The following PTPRQ variants were observed in gnomAD, a reference collection of about 807,000 sequenced individuals.
PTPRQ encodes phosphatidylinositol phosphatase PTPRQ.
PTPRQ carries 199 observed loss-of-function variants against 246.0 expected under a neutral mutation model. The ratio of observed to expected loss-of-function variants is 0.81; its 90% CI spans 0.72 to 0.91. The LOEUF (loss-of-function observed/expected upper bound fraction) is 0.91. PTPRQ is among the 40% of genes least tolerant of loss of function. The pLI, the probability that PTPRQ is intolerant of heterozygous loss-of-function variation, is 0.00. For synonymous variants in PTPRQ, 869 were observed against 853.2 expected (o/e 1.02, Z -0.32); for missense variants, 2,624 against 2,528.4 (o/e 1.04, Z -0.81).
chr12:80,480,733 A>G (rs1894014452), intron 8 of PTPRQ, among the ~76,000 whole-genome samples: 1 of 152,216 alleles, frequency 6.6e-6, no homozygotes, highest in Non-Finnish European at 1.5e-5. Flanking sequence ...CCATCAGAGA[A>G]TACTACAAAC....
chr12:80,578,629 G>T (rs535146167), intron 25 of PTPRQ, among the ~76,000 whole-genome samples: 6 of 152,120 alleles, frequency 3.9e-5, no homozygotes, highest in Non-Finnish European at 7.4e-5. Flanking sequence ...TCGTGACCTC[G>T]TGATCCGCCC....
At chr12:80,544,220 C>T (rs1896238795) in intron 23 of PTPRQ, among the ~76,000 whole-genome samples, 1 of 152,058 alleles carries the variant, frequency 6.6e-6, no homozygotes, top group South Asian at 2.1e-4. Flanking sequence ...AAGATGTGTA[C>T]ATTCGAAATT....
intron 25 of PTPRQ, among the ~76,000 whole-genome samples, chr12:80,556,483 T>G (rs1896649033): frequency 6.6e-6 from 1 of 152,226 alleles, no homozygotes; most frequent in Non-Finnish European, 1.5e-5. Flanking sequence ...AAGGATGATA[T>G]GGCACATATT....
intron 7 of PTPRQ, among the ~76,000 whole-genome samples, chr12:80,469,841 T>G (rs74108665): frequency 0.043 from 6,559 of 152,316 alleles, 478 homozygotes; most frequent in African/African-American, 0.15. Context: ...CTCTTTCATT[T>G]GTAAGGCTGG....
At chr12:80,669,185 T>C in intron 40 of PTPRQ, 44 bp downstream of exon 40, 6 of 1,537,714 alleles carry the variant, frequency 3.9e-6, no homozygotes, top group Non-Finnish European at 5.3e-6. Flanking sequence ...TTTACGATTG[T>C]GTTAACATAT....
chr12:80,588,016 T>G, intron 25 of PTPRQ, 113 bp from the exon 26 acceptor site: 2 of 1,091,478 alleles, frequency 1.8e-6, no homozygotes, highest in Non-Finnish European at 2.5e-6. Context: ...CTAAGAGCTA[T>G]AGTAATTTGA....
chr12:80,655,560 C>T (rs961582877), intron 38 of PTPRQ, among the ~76,000 whole-genome samples: 3 of 151,588 alleles, frequency 2.0e-5, no homozygotes, highest in Non-Finnish European at 4.4e-5. Context: ...AGTATACCCC[C>T]GGTTCTCTCT....
intron 25 of PTPRQ, among the ~76,000 whole-genome samples, chr12:80,586,373 A>G (rs549609421): frequency 9.9e-4 from 149 of 151,160 alleles, no homozygotes; most frequent in African/African-American, 3.5e-3. Flanking sequence ...TTAGAATGGC[A>G]ATCATTAAAA....
At chr12:80,566,387 A>G (rs1477677606) in intron 25 of PTPRQ, among the ~76,000 whole-genome samples, 2 of 151,918 alleles carry the variant, frequency 1.3e-5, no homozygotes, top group African/African-American at 4.8e-5. Flanking sequence ...CTGAGGCAGG[A>G]GAATTGCTTG....
intron 35 of PTPRQ, among the ~76,000 whole-genome samples, chr12:80,638,998 T>C (rs1899758882): frequency 6.6e-6 from 1 of 152,226 alleles, no homozygotes; most frequent in Non-Finnish European, 1.5e-5. Flanking sequence ...CATTTTGTGA[T>C]GGCTCCTGCA....
chr12:80,566,064 C>A (rs1896969288), intron 25 of PTPRQ, among the ~76,000 whole-genome samples: 1 of 152,130 alleles, frequency 6.6e-6, no homozygotes, highest in Non-Finnish European at 1.5e-5. Flanking sequence ...GCTTCTATGT[C>A]TAGATACCTT....
rs187814239 is a variant in PTPRQ at position 80,594,651 on chromosome 12, A to C, written c.4609+6199A>C. ...CCGTGTCTCAGTTTACTGCACCACT[A>C]TTCATCTAGTTGTTCAAACTAGTTA... On this transcript the variant is annotated intron_variant, in intron 26 of 44. Transcript: ENST00000644991. Among the ~76,000 whole-genome samples, 184 of 152,116 alleles carry C rather than the reference A, an allele frequency of 1.2e-3. 1 individual carries two copies. Among genetic ancestry groups the C allele is most frequent in the Non-Finnish European group, 2.0e-3 (139 of 67,972 alleles).
chr12:80,618,519 T>G (rs921170263), intron 30 of PTPRQ, among the ~76,000 whole-genome samples: 1 of 151,528 alleles, frequency 6.6e-6, no homozygotes, highest in African/African-American at 2.4e-5. Context: ...AGTTATTCTG[T>G]TAATCTGTTA....
intron 25 of PTPRQ, among the ~76,000 whole-genome samples, chr12:80,562,617 T>C (rs1896860280): frequency 6.6e-6 from 1 of 152,044 alleles, no homozygotes; most frequent in Non-Finnish European, 1.5e-5. Context: ...ATATCAAAAT[T>C]TGTGAGACTC....
chr12:80,513,737 A>C (rs1660000110), intron 17 of PTPRQ, among the ~76,000 whole-genome samples: 1 of 152,064 alleles, frequency 6.6e-6, no homozygotes, highest in Admixed American at 6.5e-5. Context: ...TCATTCTGGC[A>C]CAAACTTGCA....
rs556255500 is a variant in PTPRQ, at chr12:80,616,337, A to G, written c.5230+71A>G. ...TTATAATTTAAATTCCATACTTGAA[A>G]TAAGGATGTAGACAAGCCTTTAAGT... On this transcript the variant is annotated intron_variant, in intron 30 of 44. Transcript: ENST00000644991. The G allele has an allele frequency of 4.8e-3, 6,616 of 1,389,760 alleles. 18 individuals carry two copies. The highest frequency in any genetic ancestry group is 0.018 in the Middle Eastern group (76 of 4,116). 86.1% of individuals were successfully genotyped at this position (1,389,760 alleles called of 1,614,324 possible).
intron 10 of PTPRQ, among the ~76,000 whole-genome samples, chr12:80,493,836 T>C (rs1482147262): frequency 6.6e-6 from 1 of 151,970 alleles, no homozygotes; most frequent in Non-Finnish European, 1.5e-5. Context: ...TAAAGGTAAA[T>C]AGGTCAGAAA....
At chr12:80,653,833 G>A (rs777540240) in intron 38 of PTPRQ, among the ~76,000 whole-genome samples, 77 of 152,230 alleles carry the variant, frequency 5.1e-4, no homozygotes, top group East Asian at 5.8e-4. Flanking sequence ...ACATGATATA[G>A]GAAGTAGTAA....
chr12:80,655,016 T>G (rs1196850035), intron 38 of PTPRQ, among the ~76,000 whole-genome samples: 1 of 152,202 alleles, frequency 6.6e-6, no homozygotes, highest in Non-Finnish European at 1.5e-5. Flanking sequence ...CAATCATTTA[T>G]TAAGATTTCA....
Sources: allele counts gnomAD v4.1 joint callset (sites outside exome capture counted in the v4.1 genomes callset), GRCh38; gene constraint gnomAD v4.1.1; transcripts MANE v1.5; gene names NCBI Gene and HGNC (gene_info 2026-07-23, HGNC 2026-07-21).